LMNTD1: variants seen among roughly 807,000 people sequenced by gnomAD.
LMNTD1 encodes the protein lamin tail domain containing 1.
In LMNTD1, 35 loss-of-function variants were observed where a neutral mutation model predicts 50.9. The ratio of observed to expected loss-of-function variants is 0.69; its 90% CI spans 0.53 to 0.91. The LOEUF (loss-of-function observed/expected upper bound fraction) is 0.91, where lower values mean the gene tolerates loss of function less well. LMNTD1 is among the 40% of genes least tolerant of loss of function. The pLI is 0.00. For synonymous variants in LMNTD1, 153 were observed against 161.9 expected, an observed-to-expected ratio of 0.94 and a Z score of 0.42; for missense variants, 470 against 475.5, an observed-to-expected ratio of 0.99 and a Z score of 0.11.
intron 1 of LMNTD1, among the ~76,000 whole-genome samples, chr12:25,574,624 C>T (rs1323332808): frequency 6.6e-6 from 1 of 152,104 alleles, no homozygotes; most frequent in Non-Finnish European, 1.5e-5. Context: ...TTCCTCTCTC[C>T]TGAATATTCA....
intron 1 of LMNTD1, among the ~76,000 whole-genome samples, chr12:25,572,886 C>T (rs777453349): frequency 6.9e-6 from 1 of 144,636 alleles, no homozygotes; most frequent in South Asian, 2.5e-4. Flanking sequence ...ACTGCTCACT[C>T]GCATTTCCCA....
At chr12:25,641,746 C>A (rs879693932) in intron 1 of LMNTD1, among the ~76,000 whole-genome samples, 4 of 151,734 alleles carry the variant, frequency 2.6e-5, no homozygotes, top group African/African-American at 9.7e-5. Context: ...TGAAACTCTG[C>A]AGTTCCACAG....
chr12:25,501,746 A>T (rs914433239), intron 9 of LMNTD1, among the ~76,000 whole-genome samples: 1 of 152,212 alleles, frequency 6.6e-6, no homozygotes, highest in Non-Finnish European at 1.5e-5. Context: ...GTTGCCAAGG[A>T]TGCTCATGAA....
At position 25,476,199 on chromosome 12, in the gene LMNTD1, T is replaced by C. The variant is rs1938259007; in HGVS notation, c.*284A>G. 1 of 152,220 alleles carries C rather than the reference T, an allele frequency of 6.6e-6. No individual in the cohort carries two copies. Among genetic ancestry groups the C allele is most frequent in the South Asian group, 2.1e-4 (1 of 4,834 alleles). The allele number at this position is 152,220 out of a possible 1,614,324, so 9.4% of individuals were successfully genotyped here. The stretch of plus-strand genomic sequence containing the variant: ...TACAAAAAGAGAAATCTAAGGCAAA[T>C]AGCAATTTTATCCATTGAATAATAC... On this transcript the variant is annotated 3_prime_UTR_variant, in exon 10 of 10. Transcript: ENST00000458174.
At chr12:25,598,419 T>A (rs1378181524) in intron 1 of LMNTD1, among the ~76,000 whole-genome samples, 2 of 151,876 alleles carry the variant, frequency 1.3e-5, no homozygotes, top group Non-Finnish European at 2.9e-5. Flanking sequence ...AAATTTCAAA[T>A]AACTAGTCCA....
chr12:25,489,058 G>A lies in LMNTD1; in HGVS notation c.*23-12598C>T, dbSNP rs1400037151. 2.6e-5 allele frequency among the ~76,000 whole-genome samples: 4 copies of A among 152,260 alleles called. No individual in the cohort carries two copies. In the East Asian group the frequency reaches 5.8e-4, roughly 22 times the overall value. On this transcript the variant is annotated intron_variant, in intron 9 of 9. Transcript: ENST00000458174. Reference sequence around the variant, plus strand: ...CTGTCAGACAGGGACATTTAAGTCTGCAGAGGTTACTGCTGTCTTTTTGTT... The same window carrying A: ...CTGTCAGACAGGGACATTTAAGTCTACAGAGGTTACTGCTGTCTTTTTGTT...
intron 1 of LMNTD1, among the ~76,000 whole-genome samples, chr12:25,638,683 A>G (rs541514745): frequency 2.6e-5 from 4 of 152,210 alleles, no homozygotes; most frequent in East Asian, 3.9e-4. Context: ...ATTAAAGAAG[A>G]CCTAAATAAA....
At chr12:25,506,293 T>C (rs1939772667) in intron 8 of LMNTD1, among the ~76,000 whole-genome samples, 2 of 152,226 alleles carry the variant, frequency 1.3e-5, no homozygotes, top group South Asian at 4.1e-4. Flanking sequence ...GCATCATCAT[T>C]ATTATTACTA....
intron 1 of LMNTD1, among the ~76,000 whole-genome samples, chr12:25,627,925 C>A (rs894533794): frequency 2.0e-5 from 3 of 151,322 alleles, no homozygotes; most frequent in Admixed American, 1.3e-4. Context: ...CTGGCTAACA[C>A]GGTGAAACCC....
chr12:25,564,579 G>A (rs1944475464), intron 1 of LMNTD1, among the ~76,000 whole-genome samples: 1 of 152,122 alleles, frequency 6.6e-6, no homozygotes, highest in African/African-American at 2.4e-5. Context: ...TTATTCTGTT[G>A]TGATCAGAGA....
chr12:25,512,692 G>A (rs1940394973), intron 8 of LMNTD1, among the ~76,000 whole-genome samples: 1 of 152,058 alleles, frequency 6.6e-6, no homozygotes, highest in Admixed American at 6.6e-5. Flanking sequence ...CCAGGCTTTT[G>A]GTAGAAGGTA....
At position 25,575,858 on chromosome 12, in the gene LMNTD1, G is replaced by A. The variant is rs945605943; in HGVS notation, c.59-29304C>T. On this transcript the variant is annotated intron_variant, in intron 1 of 7. Transcript: ENST00000445693. ...CCCTCCTCCCCCAACACCATGACAG[G>A]CCCCAGTGTGTGTAATGTTCTCCAC... Among the ~76,000 whole-genome samples the A allele has an allele frequency of 3.3e-5, 5 of 151,998 alleles. No homozygotes were observed. In the East Asian group the frequency reaches 7.7e-4, roughly 23 times the overall value.
At chr12:25,601,415 A>G (rs1472472343) in intron 1 of LMNTD1, among the ~76,000 whole-genome samples, 2 of 151,962 alleles carry the variant, frequency 1.3e-5, no homozygotes, top group African/African-American at 4.8e-5. Flanking sequence ...TGGGGTGACT[A>G]TAGTCAATAA....
At chr12:25,537,196 C>T (rs1303291357) in intron 4 of LMNTD1, among the ~76,000 whole-genome samples, 3 of 152,182 alleles carry the variant, frequency 2.0e-5, no homozygotes, top group East Asian at 1.9e-4. Context: ...ACAAAGCAGC[C>T]TGGAAGCTCG....
intron 4 of LMNTD1, among the ~76,000 whole-genome samples, chr12:25,530,717 C>T (rs769278989): frequency 1.3e-5 from 2 of 152,110 alleles, no homozygotes; most frequent in Non-Finnish European, 2.9e-5. Context: ...ATTGTGTTAA[C>T]TCTTTTTAGA....
chr12:25,548,442 T>C (rs1943562103), intron 3 of LMNTD1, among the ~76,000 whole-genome samples: 1 of 151,896 alleles, frequency 6.6e-6, no homozygotes, highest in East Asian at 1.9e-4. Flanking sequence ...ATCTCATCTA[T>C]TTTAAAAGAA....
chr12:25,489,095 T>G (rs1353776190), intron 9 of LMNTD1, among the ~76,000 whole-genome samples: 1 of 152,046 alleles, frequency 6.6e-6, no homozygotes, highest in Non-Finnish European at 1.5e-5. Flanking sequence ...GTCTGTGCCC[T>G]GCTCCCAGAG....
rs1279244355 is a variant in LMNTD1 at position 25,476,149 on chromosome 12, G to A, written c.*334C>T. 6.6e-6 allele frequency: 1 copy of A among 152,198 alleles called. No homozygotes were observed. Among genetic ancestry groups the A allele is most frequent in the Non-Finnish European group, 1.5e-5 (1 of 68,030 alleles). 9.4% of individuals were successfully genotyped at this position (152,198 alleles called of 1,614,324 possible). On this transcript the variant is annotated 3_prime_UTR_variant, in exon 10 of 10. Transcript: ENST00000458174. ...AATTGCACGTGCTCTTCTTTTGTGA[G>A]TTCTGTACCCAAAATAACTTTGTTT... is the stretch of plus-strand genomic sequence containing the variant.
At chr12:25,629,084 T>C (rs894876853) in intron 1 of LMNTD1, among the ~76,000 whole-genome samples, 1 of 152,154 alleles carries the variant, frequency 6.6e-6, no homozygotes, top group Middle Eastern at 3.2e-3. Context: ...ACTGAAGATG[T>C]AGAAATGTTT....
Sources: gnomAD v4.1 joint callset for allele counts (sites outside exome capture counted in the v4.1 genomes callset) on GRCh38, gnomAD v4.1.1 for gene constraint, MANE v1.5 for transcripts, NCBI Gene and HGNC (gene_info 2026-07-23, HGNC 2026-07-21) for gene names.